Variants in PARD3 observed in about 807,000 individuals in gnomAD.
PARD3 encodes par-3 family cell polarity regulator.
In PARD3, 75 loss-of-function variants were observed where a neutral mutation model predicts 155.4. The ratio of observed to expected loss-of-function variants is 0.48; its 90% CI spans 0.40 to 0.58. PARD3 has a LOEUF of 0.58. Ranked by LOEUF, PARD3 falls within the 20% of genes least tolerant of loss-of-function variation. PARD3 has a pLI of 0.00. For missense variants in PARD3, 1,642 were observed against 1,721.7 expected (o/e 0.95, Z 0.82); for synonymous variants, 576 against 610.5 (o/e 0.94, Z 0.83).
intron 4 of PARD3, among the ~76,000 whole-genome samples, chr10:34,456,587 C>T (rs1238776663): frequency 6.6e-6 from 1 of 152,084 alleles, no homozygotes; most frequent in Non-Finnish European, 1.5e-5. Context: ...CGTGAGCCAC[C>T]GTGCCTGGCC....
intron 1 of PARD3, among the ~76,000 whole-genome samples, chr10:34,810,594 C>T (rs1844020068): frequency 6.6e-6 from 1 of 152,202 alleles, no homozygotes; most frequent in Admixed American, 6.5e-5. Context: ...TGGTGCTGCA[C>T]GTCATTCAAT....
chr10:34,113,789 C>A, intron 24 of PARD3, among the ~76,000 whole-genome samples: 1 of 152,148 alleles, frequency 6.6e-6, no homozygotes, highest in East Asian at 1.9e-4. Context: ...GCTCACTGGG[C>A]TCAAGTTACC....
chr10:34,231,670 C>T (rs113860483), intron 22 of PARD3, among the ~76,000 whole-genome samples: 1,990 of 151,886 alleles, frequency 0.013, 19 homozygotes, highest in Non-Finnish European at 0.02. Context: ...AGCTCTCTTG[C>T]TTGTTAACGC....
intron 5 of PARD3, among the ~76,000 whole-genome samples, chr10:34,403,784 A>G (rs1844149990): frequency 6.6e-6 from 1 of 152,238 alleles, no homozygotes; most frequent in Admixed American, 6.5e-5. Context: ...CTTGGAATGT[A>G]AACACGAACT....
In PARD3 at chr10:34,686,160, T is replaced by C. The variant is rs11009872; in HGVS notation, c.222+10158A>G. ...AAGTGTGAACTACAATTGTTACAAA[T>C]GTAGTATGTGAAGCCCTCCCTCATT... On this transcript the variant is annotated intron_variant, in intron 2 of 24. Transcript: ENST00000374788. Among the ~76,000 whole-genome samples the C allele has an allele frequency of 8.9e-3, 1,361 of 152,322 alleles. 10 individuals are homozygous for C. The highest frequency in any genetic ancestry group is 0.031 in the African/African-American group (1,296 of 41,558).
intron 2 of PARD3, among the ~76,000 whole-genome samples, chr10:34,601,219 G>C (rs373570822): frequency 1.3e-5 from 2 of 149,264 alleles, no homozygotes; most frequent in Non-Finnish European, 3.0e-5. Flanking sequence ...TGAGGGCCAG[G>C]AGTTTGAGAC....
intron 5 of PARD3, among the ~76,000 whole-genome samples, chr10:34,446,338 T>C (rs2076738571): frequency 6.6e-6 from 1 of 152,216 alleles, no homozygotes; most frequent in Non-Finnish European, 1.5e-5. Context: ...GTCTGTTACC[T>C]GTCCTATTAT....
intron 12 of PARD3, among the ~76,000 whole-genome samples, chr10:34,361,504 A>G (rs1264089158): frequency 6.6e-6 from 1 of 152,242 alleles, no homozygotes; most frequent in Non-Finnish European, 1.5e-5. Context: ...AAATGTCCTA[A>G]TAAGAATAAA....
chr10:34,673,133 A>C (rs566442229), intron 2 of PARD3, among the ~76,000 whole-genome samples: 171 of 152,282 alleles, frequency 1.1e-3, no homozygotes, highest in African/African-American at 3.7e-3. Context: ...ATCTTCATGG[A>C]GATCCGGGAA....
intron 22 of PARD3, among the ~76,000 whole-genome samples, chr10:34,173,087 C>T (rs1328633061): frequency 4.6e-5 from 7 of 152,196 alleles, no homozygotes; most frequent in East Asian, 3.8e-4. Context: ...AGTCAGGAAT[C>T]GTCTAGCCCT....
chr10:34,438,578 T>C (rs373797834), intron 5 of PARD3, among the ~76,000 whole-genome samples: 19 of 152,270 alleles, frequency 1.2e-4, no homozygotes, highest in African/African-American at 4.6e-4. Context: ...TCAGAAAAAG[T>C]AGGGACATTA....
At chr10:34,351,071 C>T (rs1488155080) in intron 14 of PARD3, among the ~76,000 whole-genome samples, 1 of 152,084 alleles carries the variant, frequency 6.6e-6, no homozygotes, top group Non-Finnish European at 1.5e-5. Flanking sequence ...ATAAAATCTC[C>T]GTTTGTTGTG....
At chr10:34,134,429 T>C (rs1024378370) in intron 22 of PARD3, among the ~76,000 whole-genome samples, 1 of 152,188 alleles carries the variant, frequency 6.6e-6, no homozygotes, top group African/African-American at 2.4e-5. Flanking sequence ...ATTATTAGGA[T>C]CATGAAGTTG....
intron 22 of PARD3, among the ~76,000 whole-genome samples, chr10:34,155,667 A>AGTGTGT (rs1948971219): frequency 2.4e-5 from 2 of 82,868 alleles, no homozygotes; most frequent in South Asian, 1.0e-3. Flanking sequence ...GCCCTCTAAA[A>AGTGTGT]ATGTGTGTGT....
In PARD3 at chr10:34,483,885, T is replaced by C. The variant is rs540755947; in HGVS notation, c.404-13622A>G. Among the ~76,000 whole-genome samples, 601 of 152,344 alleles carry C rather than the reference T, an allele frequency of 3.9e-3. 1 individual carries two copies. Among genetic ancestry groups the C allele is most frequent in the Non-Finnish European group, 6.2e-3 (425 of 68,032 alleles). On this transcript the variant is annotated intron_variant, in intron 3 of 24. Transcript: ENST00000374788. ...TCAATACAGAGCCTTGCCTTAGGTGTGATCTGTATAAAGACATCTTAATTA... is the reference window on the plus strand; with the variant it reads ...TCAATACAGAGCCTTGCCTTAGGTGCGATCTGTATAAAGACATCTTAATTA...
chr10:34,399,392 T>C lies in PARD3; in HGVS notation c.828A>G (p.Glu276=). 5.0e-6 allele frequency: 8 copies of C among 1,610,282 alleles called. No homozygotes were observed. The highest frequency in any genetic ancestry group is 6.8e-6 in the Non-Finnish European group (8 of 1,176,590). Residue 276 remains glutamate, a synonymous_variant, in exon 7 of 25, where the codon GAA becomes GAG. Coordinates refer to ENST00000374788, the MANE Select transcript of PARD3 (RefSeq NM_001184785.2). ...CCAGAGGCCCTCCATCGTTGGGGAC[T>C]TCTACGAGCTTTACCATATCACTGT... The part of the protein sequence containing the change: ...FSLDDMVKLV[E]VPNDGGPLGI...
intron 5 of PARD3, chr10:34,426,840 T>C (rs1056634990): frequency 1.3e-5 from 2 of 152,334 alleles, no homozygotes; most frequent in African/African-American, 2.4e-5. Flanking sequence ...GCTGAAGCCA[T>C]GGCAGAAGAA....
chr10:34,147,548 TTATA>T (rs1564432088), intron 22 of PARD3, among the ~76,000 whole-genome samples: 1 of 151,818 alleles, frequency 6.6e-6, no homozygotes, highest in East Asian at 1.9e-4. Context: ...CTTTATAAGT[TTATA>T]TATATAGTAA....
chr10:34,308,883 A>C (rs1006689972), intron 20 of PARD3, among the ~76,000 whole-genome samples: 12 of 152,170 alleles, frequency 7.9e-5, no homozygotes, highest in African/African-American at 2.9e-4. Context: ...TATGGCACAG[A>C]ATTAGCAAAG....
Sources: gnomAD v4.1 joint callset for allele counts (sites outside exome capture counted in the v4.1 genomes callset) on GRCh38, gnomAD v4.1.1 for gene constraint, MANE v1.5 for transcripts, NCBI Gene and HGNC (gene_info 2026-07-23, HGNC 2026-07-21) for gene names.